Variants in FAR1 observed in about 807,000 individuals in gnomAD.
The protein encoded by FAR1 is fatty acyl-CoA reductase 1, also known as male sterility domain-containing protein 2.
Under a neutral mutation model 61.1 loss-of-function variants are expected in FAR1, and 22 were observed. The observed-to-expected ratio is 0.36, with a 90% confidence interval of 0.26 to 0.51. The LOEUF is 0.51. FAR1 is among the 20% of genes least tolerant of loss of function. The pLI, the probability that FAR1 is intolerant of heterozygous loss-of-function variation, is 0.95. For synonymous variants in FAR1, 206 were observed against 209.7 expected (o/e 0.98, Z 0.15); for missense variants, 359 against 626.9 (o/e 0.57, Z 4.56).
In FAR1 at chr11:13,731,321, A is replaced by G. The variant is rs1848723227; in HGVS notation, c.*2547A>G. On this transcript the variant is annotated 3_prime_UTR_variant, in exon 12 of 12. Transcript: ENST00000354817. ...TGTGTAATAAAGCTTGAAAGCAGGG[A>G]AAAGAATTTCCTTTTCCCCCTTTTT... 6.6e-6 allele frequency: 1 copy of G among 152,576 alleles called. No individual in the cohort carries two copies. The allele number at this position is 152,576 out of a possible 1,614,324, so 9.5% of individuals were successfully genotyped here.
chr11:13,690,029 C>T (rs1848232088), intron 1 of FAR1, among the ~76,000 whole-genome samples: 1 of 152,080 alleles, frequency 6.6e-6, no homozygotes, highest in Non-Finnish European at 1.5e-5. Flanking sequence ...GCGTGTGCCA[C>T]CACGCCCGAC....
chr11:13,703,248 A>G (rs1358645621), intron 3 of FAR1, among the ~76,000 whole-genome samples: 4 of 152,166 alleles, frequency 2.6e-5, no homozygotes, highest in Non-Finnish European at 5.9e-5. Context: ...CAGTGACACA[A>G]TCATGGCTCA....
rs149323353 is a variant in FAR1 at position 13,732,245 on chromosome 11, A to G, written c.*3471A>G. The G allele has an allele frequency of 1.8e-4, 28 of 152,212 alleles. No individual in the cohort carries two copies. Among genetic ancestry groups the G allele is most frequent in the African/African-American group, 6.5e-4 (27 of 41,546 alleles). The allele number at this position is 152,212 out of a possible 1,614,324, so 9.4% of individuals were successfully genotyped here. On this transcript the variant is annotated 3_prime_UTR_variant, in exon 12 of 12. Transcript: ENST00000354817. ...TACCCTCTTAGCATATATCTTTGCT[A>G]TCCTTAAGATCCTAAACAAATCATC... is the stretch of plus-strand genomic sequence containing the variant.
Position 13,721,761 on chromosome 11 carries a change from G to T in FAR1, c.1159G>T (p.Ala387Ser), listed in dbSNP as rs1345591334. 6.2e-7 allele frequency: 1 copy of T among 1,611,230 alleles called. No individual in the cohort carries two copies. Among genetic ancestry groups the T allele is most frequent in the Non-Finnish European group, 8.5e-7 (1 of 1,178,604 alleles). ...GAAAACAATAACTCGTCTTCACAAA[G>T]CTATGGTGTTTCTTGAATATTTCAC... ...MMKTITRLHK[A>S]MVFLEYFTSN... Residue 387 changes from alanine to serine, a missense_variant, in exon 10 of 12, where the codon GCT (alanine) becomes TCT (serine). Physicochemically the swap from Ala to Ser is moderately conservative, Grantham distance 99. Around this residue, in one of 2 missense-constraint regions of FAR1, gnomAD observed 344 missense variants for 570.3 expected, o/e 0.60. Transcript: ENST00000354817. The surrounding 1 kb of genome is among the most constrained non-coding windows in gnomAD (Gnocchi z 4.2).
chr11:13,708,364 A>C (rs576478664), intron 4 of FAR1, among the ~76,000 whole-genome samples: 2 of 151,432 alleles, frequency 1.3e-5, no homozygotes, highest in Non-Finnish European at 2.9e-5. Flanking sequence ...TCTCAAAAAA[A>C]CAAAAAACAA....
At chr11:13,678,498 T>C (rs1046210596) in intron 1 of FAR1, among the ~76,000 whole-genome samples, 1 of 152,184 alleles carries the variant, frequency 6.6e-6, no homozygotes, top group African/African-American at 2.4e-5. Context: ...TCTCCTGACC[T>C]TGTGATCCAC....
intron 1 of FAR1, among the ~76,000 whole-genome samples, chr11:13,683,469 A>G (rs917585806): frequency 1.3e-5 from 2 of 152,012 alleles, no homozygotes; most frequent in Non-Finnish European, 2.9e-5. Flanking sequence ...AGTAAAAAAA[A>G]CATAGATGAA....
intron 4 of FAR1, among the ~76,000 whole-genome samples, chr11:13,709,352 C>T (rs201352998): frequency 1.4e-5 from 2 of 138,852 alleles, no homozygotes; most frequent in Non-Finnish European, 3.4e-5. Flanking sequence ...ACTTCATTTT[C>T]TTCATAGATC....
intron 9 of FAR1, chr11:13,720,185 TTGAA>T (rs1848595403): frequency 6.6e-6 from 1 of 152,220 alleles, no homozygotes; most frequent in Non-Finnish European, 1.5e-5. Context: ...ATTGTGTCAC[TTGAA>T]TGAATCTGAA....
intron 2 of FAR1, among the ~76,000 whole-genome samples, chr11:13,698,147 C>CTT (rs1295670516): frequency 6.6e-6 from 1 of 152,170 alleles, no homozygotes; most frequent in Non-Finnish European, 1.5e-5. Flanking sequence ...CATGCAGGCA[C>CTT]TTTACACTTG....
Position 13,707,875 on chromosome 11 carries a change from A to G in FAR1, c.366-25A>G, listed in dbSNP as rs374403889. On this transcript the variant is annotated intron_variant, in intron 3 of 11. Coordinates refer to ENST00000354817, the MANE Select transcript of FAR1 (RefSeq NM_032228.6). The stretch of plus-strand genomic sequence containing the variant: ...AAATAACATAGCTTCCCAATTTTCT[A>G]TTGTCACTTTTTCTTTTTAAACAGA... 72 of 1,458,200 alleles carry G rather than the reference A, an allele frequency of 4.9e-5. No individual in the cohort carries two copies. In the Admixed American group the frequency reaches 6.8e-4, roughly 14 times the overall value. The allele number at this position is 1,458,200 out of a possible 1,614,324, so 90.3% of individuals were successfully genotyped here. A position where few individuals can be genotyped will look rare whatever the true frequency, so the allele number is the denominator to read the frequency against.
chr11:13,726,057 G>A (rs1848664279), intron 10 of FAR1, among the ~76,000 whole-genome samples: 1 of 151,812 alleles, frequency 6.6e-6, no homozygotes, highest in Non-Finnish European at 1.5e-5. Flanking sequence ...AATTTAGCAA[G>A]GTCTAATATA....
Position 13,728,922 on chromosome 11 carries a change from A to T in FAR1, c.*148A>T. On this transcript the variant is annotated 3_prime_UTR_variant, in exon 12 of 12. Coordinates refer to ENST00000354817, the MANE Select transcript of FAR1 (RefSeq NM_032228.6). Reference sequence around the variant, plus strand: ...TAAATTATGGTATATTTTATGTAACATTTTAATGTTTATGCTCATAAAACT... The same window carrying T: ...TAAATTATGGTATATTTTATGTAACTTTTTAATGTTTATGCTCATAAAACT... The T allele has an allele frequency of 1.4e-6, 1 of 711,408 alleles. No individual in the cohort carries two copies. The highest frequency in any genetic ancestry group is 1.8e-5 in the African/African-American group (1 of 55,848). 44.1% of individuals were successfully genotyped at this position (711,408 alleles called of 1,614,324 possible).
At chr11:13,689,250 C>T (rs1410455509) in intron 1 of FAR1, among the ~76,000 whole-genome samples, 3 of 152,114 alleles carry the variant, frequency 2.0e-5, no homozygotes, top group Non-Finnish European at 4.4e-5. Context: ...AAATGAGCCT[C>T]CCAGATCAAG....
Position 13,694,940 on chromosome 11 carries a change from G to C in FAR1, c.175G>C (p.Val59Leu). Residue 59 changes from valine to leucine, a missense_variant, in exon 2 of 12, where the codon GTC becomes CTC. Val to Leu is a conservative substitution (Grantham distance 32). Coordinates refer to ENST00000354817, the MANE Select transcript of FAR1 (RefSeq NM_032228.6). ...GACACCACAAGAGCGAGTGGAAGAAGTCCTTAGTGGCAAGGTAAGTATGGA... is the reference window on the plus strand; with the variant it reads ...GACACCACAAGAGCGAGTGGAAGAACTCCTTAGTGGCAAGGTAAGTATGGA... Reference protein sequence around the residue: ...GQTPQERVEEVLSGKLFDRLR... With the variant: ...GQTPQERVEELLSGKLFDRLR... 1 of 1,610,932 alleles carries C rather than the reference G, an allele frequency of 6.2e-7. No individual in the cohort carries two copies. The highest frequency in any genetic ancestry group is 8.5e-7 in the Non-Finnish European group (1 of 1,178,536).
chr11:13,684,592 A>G (rs1457329231), intron 1 of FAR1, among the ~76,000 whole-genome samples: 1 of 152,234 alleles, frequency 6.6e-6, no homozygotes, highest in East Asian at 1.9e-4. Context: ...TTTAGATTCT[A>G]ACCTAAACCT....
intron 9 of FAR1, among the ~76,000 whole-genome samples, chr11:13,715,216 A>G (rs1848542789): frequency 6.6e-6 from 1 of 152,192 alleles, no homozygotes; most frequent in South Asian, 2.1e-4. Flanking sequence ...GATGAAAAAA[A>G]TCACTAGCAT....
intron 1 of FAR1, among the ~76,000 whole-genome samples, chr11:13,684,632 T>G (rs1303133896): frequency 6.6e-6 from 1 of 152,210 alleles, no homozygotes; most frequent in Non-Finnish European, 1.5e-5. Context: ...GGATTTCTAT[T>G]GTGTCTTGGT....
At chr11:13,692,217 G>A (rs1421795027) in intron 1 of FAR1, among the ~76,000 whole-genome samples, 1 of 152,052 alleles carries the variant, frequency 6.6e-6, no homozygotes, top group Non-Finnish European at 1.5e-5. Context: ...AATGCTTCCA[G>A]ATTTCATATG....
Sources: allele counts gnomAD v4.1 joint callset (sites outside exome capture counted in the v4.1 genomes callset), GRCh38; gene constraint gnomAD v4.1.1; regional missense constraint gnomAD v4.1.1; non-coding constraint Gnocchi (gnomAD v3.1); transcripts MANE v1.5; gene names NCBI Gene and HGNC (gene_info 2026-07-23, HGNC 2026-07-21).